Variants in ITPR2 observed in about 807,000 individuals in gnomAD.
ITPR2 encodes inositol 1,4,5-trisphosphate receptor type 2, also known as inositol 1,4,5-trisphosphate-gated calcium channel ITPR2.
A neutral mutation model predicts 317.1 loss-of-function variants in ITPR2; 207 were observed. The observed-to-expected ratio is 0.65, with a 90% CI of 0.58 to 0.73. The LOEUF is 0.73. ITPR2 is among the 30% of genes least tolerant of loss of function. ITPR2 has a pLI of 0.00. For synonymous variants in ITPR2, 1,156 were observed against 1,149.1 expected (o/e 1.01, Z -0.12); for missense variants, 2,613 against 3,284.0 (o/e 0.80, Z 4.99).
At chr12:26,408,228 G>A (rs919021826) in intron 52 of ITPR2, among the ~76,000 whole-genome samples, 11 of 152,200 alleles carry the variant, frequency 7.2e-5, no homozygotes, top group African/African-American at 2.7e-4. Context: ...CTGGCCCAGA[G>A]TAGAGGCTCA....
intron 49 of ITPR2, among the ~76,000 whole-genome samples, chr12:26,422,053 TAA>T (rs1372539972): frequency 6.6e-6 from 1 of 151,318 alleles, no homozygotes; most frequent in African/African-American, 2.4e-5. Flanking sequence ...TACATTTACT[TAA>T]GTTTATTTAA....
chr12:26,605,126 A>AAAAAAAATATAT (rs1555165395), intron 26 of ITPR2, among the ~76,000 whole-genome samples: 13 of 136,322 alleles, frequency 9.5e-5, no homozygotes, highest in Non-Finnish European at 1.1e-4. Context: ...AAAAAATAAA[A>AAAAAAAATATAT]ATATATATAT....
chr12:26,596,750 T>C lies in ITPR2; in HGVS notation c.4254+133A>G, dbSNP rs886571211. On this transcript the variant is annotated intron_variant, in intron 31 of 56. Coordinates refer to ENST00000381340, the MANE Select transcript of ITPR2 (RefSeq NM_002223.4). ...GCTCTTTTACATTTTCCAAATTATA[T>C]AGTTAAATACAATTCCCTGACTAAA... is the stretch of plus-strand genomic sequence containing the variant. The C allele has an allele frequency of 2.0e-5, 12 of 614,480 alleles. No homozygotes were observed. In the South Asian group the frequency reaches 4.1e-4, roughly 21 times the overall value. The allele number at this position is 614,480 out of a possible 1,614,324, so 38.1% of individuals were successfully genotyped here. A position where few individuals can be genotyped will look rare whatever the true frequency, so the allele number is the denominator to read the frequency against.
chr12:26,383,698 G>A (rs145873542), intron 55 of ITPR2, among the ~76,000 whole-genome samples: 1,880 of 144,840 alleles, frequency 0.013, 31 homozygotes, highest in African/African-American at 0.045. Flanking sequence ...GGGTTTCACC[G>A]CATTAGCCAG....
intron 45 of ITPR2, among the ~76,000 whole-genome samples, chr12:26,461,707 C>T (rs1180160436): frequency 6.8e-6 from 1 of 147,974 alleles, no homozygotes; most frequent in African/African-American, 2.5e-5. Context: ...CACACACACA[C>T]ACACACACAC....
chr12:26,402,545 G>A (rs181354430), intron 52 of ITPR2, among the ~76,000 whole-genome samples: 75 of 152,334 alleles, frequency 4.9e-4, no homozygotes, highest in African/African-American at 1.6e-3. Flanking sequence ...ATTAGCTGTT[G>A]TGGAATAAAA....
At chr12:26,427,302 A>C (rs1941089034) in intron 49 of ITPR2, among the ~76,000 whole-genome samples, 1 of 152,068 alleles carries the variant, frequency 6.6e-6, no homozygotes, top group African/African-American at 2.4e-5. Flanking sequence ...AGTCCCTTTA[A>C]AATTGTATTT....
At chr12:26,812,562 G>C (rs988062666) in intron 1 of ITPR2, among the ~76,000 whole-genome samples, 1 of 152,136 alleles carries the variant, frequency 6.6e-6, no homozygotes, top group Non-Finnish European at 1.5e-5. Context: ...CTGGGCGACA[G>C]AGCGAGACTC....
intron 8 of ITPR2, 34 bp downstream of exon 8, chr12:26,715,265 A>T: frequency 6.4e-7 from 1 of 1,559,614 alleles, no homozygotes; most frequent in Admixed American, 1.8e-5. Flanking sequence ...TTTTGATCTA[A>T]ATATTTATTA....
chr12:26,670,044 G>C (rs529971144), intron 13 of ITPR2, among the ~76,000 whole-genome samples: 1 of 152,370 alleles, frequency 6.6e-6, no homozygotes, highest in Admixed American at 6.5e-5. Context: ...AAAGCAGCCT[G>C]AAGCTCGAAC....
intron 1 of ITPR2, among the ~76,000 whole-genome samples, chr12:26,809,521 C>T (rs530179444): frequency 5.8e-4 from 88 of 152,344 alleles, no homozygotes; most frequent in African/African-American, 1.4e-3. Context: ...CAGGCAATCT[C>T]ATTTGACATT....
intron 52 of ITPR2, among the ~76,000 whole-genome samples, 183 bp from the exon 53 acceptor site, chr12:26,400,441 T>C (rs1940138568): frequency 6.6e-6 from 1 of 151,982 alleles, no homozygotes; most frequent in South Asian, 2.1e-4. Context: ...AAATAAAAGA[T>C]ACATACAAAT....
At chr12:26,587,397 C>T (rs538123672) in intron 32 of ITPR2, among the ~76,000 whole-genome samples, 6 of 151,862 alleles carry the variant, frequency 4.0e-5, no homozygotes, top group Non-Finnish European at 5.9e-5. Context: ...GGGTGGTTGG[C>T]AAAGCCCTCT....
At chr12:26,779,511 CAT>C (rs56334129) in intron 2 of ITPR2, among the ~76,000 whole-genome samples, 2,164 of 152,290 alleles carry the variant, frequency 0.014, 23 homozygotes, top group Middle Eastern at 0.041. Context: ...CTCAAATGCC[CAT>C]AGTCTCTACT....
chr12:26,453,392 T>G (rs142661949), intron 45 of ITPR2, among the ~76,000 whole-genome samples: 34 of 152,358 alleles, frequency 2.2e-4, no homozygotes, highest in African/African-American at 8.2e-4. Flanking sequence ...TATTGTAGTG[T>G]CCTAGTCAAA....
intron 49 of ITPR2, 122 bp downstream of exon 49, chr12:26,427,791 A>T: frequency 1.7e-6 from 1 of 600,970 alleles, no homozygotes; most frequent in Non-Finnish European, 2.4e-6. Flanking sequence ...TGGTTAATTT[A>T]GATTTATAAT....
chr12:26,496,860 C>T (rs112364710), intron 37 of ITPR2, among the ~76,000 whole-genome samples: 4,464 of 150,358 alleles, frequency 0.03, 157 homozygotes, highest in African/African-American at 0.082. Flanking sequence ...AGGAGAATGG[C>T]GTGAACCCAG....
At chr12:26,603,209 C>T (rs573798878) in intron 26 of ITPR2, among the ~76,000 whole-genome samples, 4 of 152,174 alleles carry the variant, frequency 2.6e-5, no homozygotes, top group Non-Finnish European at 4.4e-5. Flanking sequence ...CCATGGCATC[C>T]TTAAGAGTCA....
intron 55 of ITPR2, among the ~76,000 whole-genome samples, chr12:26,386,642 T>C (rs12322320): frequency 0.044 from 6,410 of 146,484 alleles, 449 homozygotes; most frequent in African/African-American, 0.15. Flanking sequence ...TCTCAAATGG[T>C]GAACACAATT....
Sources: gnomAD v4.1 joint callset for allele counts (sites outside exome capture counted in the v4.1 genomes callset) on GRCh38, gnomAD v4.1.1 for gene constraint, MANE v1.5 for transcripts, NCBI Gene and HGNC (gene_info 2026-07-23, HGNC 2026-07-21) for gene names.